Variants in CAST observed in about 807,000 individuals in gnomAD.
CAST encodes MIR583 host.
In CAST, 76 loss-of-function variants were observed where a neutral mutation model predicts 119.6. The ratio of observed to expected loss-of-function variants is 0.64; its 90% CI spans 0.53 to 0.77. CAST has a LOEUF of 0.77. Among genes scored for constraint, CAST ranks in the 30% least tolerant of loss-of-function variants. The pLI, the probability that CAST is intolerant of heterozygous loss-of-function variation, is 0.00. For missense variants in CAST, 953 were observed against 946.5 expected, an observed-to-expected ratio of 1.01 and a Z score of -0.09; for synonymous variants, 319 against 331.6, an observed-to-expected ratio of 0.96 and a Z score of 0.41.
chr5:96,766,059 G>C lies in CAST; in HGVS notation c.2044G>C (p.Ala682Pro). ...CTGCTCACTGTTGATATAGGAAAAA[G>C]CTAAAGCTGAACATAGAGACAAGCT... ...KPMEDKVKEK[A>P]KAEHRDKLGE... Residue 682 changes from alanine (A) to proline (P), a missense_variant, in exon 27 of 32, where the codon GCT becomes CCT. Ala to Pro is a conservative substitution (Grantham distance 27, BLOSUM62 -1). Coordinates refer to ENST00000675179, the MANE Select transcript of CAST (RefSeq NM_001750.7). The C allele has an allele frequency of 1.9e-6, 3 of 1,592,686 alleles. No individual in the cohort carries two copies. The highest frequency in any genetic ancestry group is 4.5e-5 in the East Asian group (2 of 44,618).
chr5:96,624,766 C>T (rs887399603), intron 1 of CAST, among the ~76,000 whole-genome samples: 4 of 152,122 alleles, frequency 2.6e-5, no homozygotes, highest in African/African-American at 7.2e-5. Context: ...ACAATAAAGC[C>T]AACAGGTTTC....
At chr5:96,182,918 C>T in the CAST span, among the ~76,000 whole-genome samples, 2 of 152,012 alleles carry the variant, frequency 1.3e-5, no homozygotes. Flanking sequence ...GCGGGCGGAT[C>T]TCGAGGTCAG....
chr5:96,622,550 A>C (rs1250385683), intron 1 of CAST, among the ~76,000 whole-genome samples: 1 of 152,104 alleles, frequency 6.6e-6, no homozygotes, highest in East Asian at 1.9e-4. Flanking sequence ...CAGGATCACT[A>C]TAGCTGAAGA....
At chr5:96,174,541 T>A in the CAST span, among the ~76,000 whole-genome samples, 2 of 152,244 alleles carry the variant, frequency 1.3e-5, no homozygotes, top group Non-Finnish European at 2.9e-5. Flanking sequence ...AAAGGTTTAA[T>A]GTGCAGACAC....
At chr5:96,703,997 G>A (rs756487311) in intron 3 of CAST, among the ~76,000 whole-genome samples, 5 of 152,272 alleles carry the variant, frequency 3.3e-5, no homozygotes, top group Middle Eastern at 3.4e-3. Context: ...TGCTGCTTGG[G>A]TTCTAGGAGG....
At chr5:96,630,223 A>T (rs1367058750) in intron 1 of CAST, among the ~76,000 whole-genome samples, 2 of 152,238 alleles carry the variant, frequency 1.3e-5, no homozygotes, top group Non-Finnish European at 2.9e-5. Context: ...GCCATGCAGG[A>T]TACTAACAGA....
the CAST span, among the ~76,000 whole-genome samples, chr5:96,272,003 T>C: frequency 2.0e-5 from 3 of 152,160 alleles, no homozygotes; most frequent in Non-Finnish European, 4.4e-5. Flanking sequence ...ATCAGATATA[T>C]TTTTTAAATG....
chr5:96,173,137 C>T, the CAST span, among the ~76,000 whole-genome samples: 1 of 152,096 alleles, frequency 6.6e-6, no homozygotes, highest in African/African-American at 2.4e-5. Context: ...TGCTTTGTGG[C>T]GGCTTGACTA....
the CAST span, among the ~76,000 whole-genome samples, chr5:96,466,491 C>T: frequency 6.6e-6 from 1 of 152,060 alleles, no homozygotes; most frequent in East Asian, 1.9e-4. Flanking sequence ...GTCCCTCGTG[C>T]TTGCCACCCT....
chr5:96,242,432 A>G, the CAST span, among the ~76,000 whole-genome samples: 1 of 152,150 alleles, frequency 6.6e-6, no homozygotes, highest in Admixed American at 6.5e-5. Flanking sequence ...TGTCCAGCTG[A>G]AATACTTCTT....
At chr5:96,559,795 A>T (rs1469767010) in intron 1 of CAST, among the ~76,000 whole-genome samples, 3 of 152,192 alleles carry the variant, frequency 2.0e-5, no homozygotes, top group Non-Finnish European at 4.4e-5. Flanking sequence ...TAATTTATAG[A>T]TTCAATGCCA....
rs1181105606 is a variant in CAST at position 96,548,612 on chromosome 5, A to T, written c.60+18732A>T. ...TGTCATTGTCCTCACTGAAATCAGG[A>T]AACTCCTATTTCAAATCAAAACCCC... On this transcript the variant is annotated intron_variant, in intron 1 of 11. Transcript: ENST00000505143. Among the ~76,000 whole-genome samples, 4 of 152,082 alleles carry T rather than the reference A, an allele frequency of 2.6e-5. No individual in the cohort carries two copies. The East Asian group carries it at 7.7e-4, about 29-fold the overall frequency.
the CAST span, among the ~76,000 whole-genome samples, chr5:96,105,040 T>C: frequency 3.2e-5 from 4 of 125,576 alleles, no homozygotes; most frequent in African/African-American, 1.2e-4. Flanking sequence ...TCTGTTTGTC[T>C]GTTATTGGTG....
At chr5:96,012,177 G>A in the CAST span, among the ~76,000 whole-genome samples, 1 of 152,108 alleles carries the variant, frequency 6.6e-6, no homozygotes, top group Admixed American at 6.6e-5. Flanking sequence ...TTATGACTAT[G>A]GGTGTTGTTT....
intron 9 of CAST, among the ~76,000 whole-genome samples, chr5:96,731,272 G>T (rs960240298): frequency 2.0e-5 from 3 of 152,154 alleles, no homozygotes; most frequent in African/African-American, 7.2e-5. Context: ...AACATGAATG[G>T]ATATGAGAAG....
intron 1 of CAST, among the ~76,000 whole-genome samples, chr5:96,668,096 G>C (rs1749574300): frequency 6.6e-6 from 1 of 152,040 alleles, no homozygotes; most frequent in Non-Finnish European, 1.5e-5. Context: ...TGTCAACATT[G>C]TCCTAATCTT....
intron 26 of CAST, 28 bp downstream of exon 26, chr5:96,765,353 A>G: frequency 1.3e-6 from 1 of 761,030 alleles, no homozygotes. Context: ...AAAAAAAAAA[A>G]TTCACTAATA....
chr5:96,398,906 G>C, the CAST span: 1 of 1,613,676 alleles, frequency 6.2e-7, no homozygotes, highest in South Asian at 1.1e-5. Flanking sequence ...GTGACATGAA[G>C]GTCTCCTCTT....
At chr5:96,731,395 A>G (rs1224340667) in intron 9 of CAST, among the ~76,000 whole-genome samples, 4 of 151,808 alleles carry the variant, frequency 2.6e-5, no homozygotes, top group African/African-American at 9.7e-5. Context: ...ATACTTGCCC[A>G]GGAATATAAG....
Sources: gnomAD v4.1 joint callset for allele counts (sites outside exome capture counted in the v4.1 genomes callset) on GRCh38, gnomAD v4.1.1 for gene constraint, MANE v1.5 for transcripts, NCBI Gene and HGNC (gene_info 2026-07-23, HGNC 2026-07-21) for gene names.